Variants in DNMT3A observed in about 807,000 individuals in gnomAD.
DNMT3A encodes DNA methyltransferase 3 alpha.
In DNMT3A, 267 loss-of-function variants were observed where a neutral mutation model predicts 117.6. The ratio of observed to expected loss-of-function variants is 2.27; its 90% CI spans 2.05 to 2.51. DNMT3A has a LOEUF of 2.51. DNMT3A is among the 30% of genes most tolerant of loss of function. The pLI is 0.00. For missense variants in DNMT3A, 1,029 were observed against 1,260.2 expected (o/e 0.82, Z 2.78); for synonymous variants, 432 against 474.8 (o/e 0.91, Z 1.17).
In DNMT3A at chr2:25,279,516, A is replaced by G. The variant is rs895305656; in HGVS notation, c.448+2925T>C. Among the ~76,000 whole-genome samples, 5 of 152,056 alleles carry G rather than the reference A, an allele frequency of 3.3e-5. No individual in the cohort carries two copies. In the South Asian group the frequency reaches 8.3e-4, roughly 25 times the overall value. On this transcript the variant is annotated intron_variant, in intron 4 of 22. Coordinates refer to ENST00000321117, the MANE Select transcript of DNMT3A (RefSeq NM_022552.5). Reference sequence around the variant, plus strand: ...CTGATTAAGCCACTGTCCGTTGCATATTGGCAGAGCCTAGGCCACTGCCCA... The same window carrying G: ...CTGATTAAGCCACTGTCCGTTGCATGTTGGCAGAGCCTAGGCCACTGCCCA...
At position 25,247,418 on chromosome 2, in the gene DNMT3A, C is replaced by T. The variant is rs1302315172; in HGVS notation, c.1014+173G>A. Reference sequence around the variant, plus strand: ...GGGCCAGCATCCTAGCTCTCTGAGCCACAGGTGCAACCTAATTATCCCTAC... The same window carrying T: ...GGGCCAGCATCCTAGCTCTCTGAGCTACAGGTGCAACCTAATTATCCCTAC... On this transcript the variant is annotated intron_variant, in intron 8 of 22. Transcript: ENST00000321117. The surrounding 1 kb of genome is among the most constrained non-coding windows in gnomAD (Gnocchi z 5.6). The T allele has an allele frequency of 1.5e-5, 16 of 1,086,434 alleles. No individual in the cohort carries two copies. Among genetic ancestry groups the T allele is most frequent in the Non-Finnish European group, 1.9e-5 (15 of 771,626 alleles). The allele number at this position is 1,086,434 out of a possible 1,614,324, so 67.3% of individuals were successfully genotyped here. A position where few individuals can be genotyped will look rare whatever the true frequency, so the allele number is the denominator to read the frequency against.
chr2:25,282,680 G>A lies in DNMT3A; in HGVS notation c.209C>T (p.Ala70Val), dbSNP rs746884153. ...VESGDTPKDP[A>V]VISKSPSMAQ... is the part of the protein sequence containing the mutation. ...CATGGATGGGGACTTGGAGATCACC[G>A]CAGGGTCCTTTGGCGTGTCACCGCT... is the stretch of plus-strand genomic sequence containing the variant. The change falls in exon 4 of 23, where the codon GCG becomes GTG. Residue 70 changes from alanine to valine, a missense_variant. Transcript: ENST00000321117. The surrounding 1 kb of genome is among the most constrained non-coding windows in gnomAD (Gnocchi z 5.2). 2.1e-5 allele frequency: 32 copies of A among 1,560,820 alleles called. No individual in the cohort carries two copies. The highest frequency in any genetic ancestry group is 2.7e-5 in the Non-Finnish European group (31 of 1,153,208).
chr2:25,328,986 T>C (rs1018675042), intron 1 of DNMT3A, among the ~76,000 whole-genome samples: 7 of 152,076 alleles, frequency 4.6e-5, no homozygotes, highest in Admixed American at 2.0e-4. Flanking sequence ...CTAAACCAGC[T>C]CCCTCTTGGG....
In DNMT3A at chr2:25,327,040, C is replaced by T. The variant is rs1248401681; in HGVS notation, c.-177-12879G>A. ...ATGGCATTACAGAGACGTTGCCATC[C>T]AGGGAGCCATCGCCACACCCTCTCC... is the stretch of plus-strand genomic sequence containing the variant. On this transcript the variant is annotated intron_variant, in intron 1 of 22. Transcript: ENST00000321117. The surrounding 1 kb of genome is among the most constrained non-coding windows in gnomAD (Gnocchi z 4.1). 2.0e-5 allele frequency among the ~76,000 whole-genome samples: 3 copies of T among 152,228 alleles called. No individual in the cohort carries two copies. The highest frequency in any genetic ancestry group is 7.2e-5 in the African/African-American group (3 of 41,456).
intron 1 of DNMT3A, among the ~76,000 whole-genome samples, chr2:25,329,223 T>C (rs1209866795): frequency 6.6e-6 from 1 of 152,128 alleles, no homozygotes; most frequent in African/African-American, 2.4e-5. Flanking sequence ...CTCAGAACCA[T>C]GGGCCCTGCC....
Position 25,247,863 on chromosome 2 carries a change from A to G in DNMT3A, c.856-114T>C. On this transcript the variant is annotated intron_variant, in intron 7 of 22. Coordinates refer to ENST00000321117, the MANE Select transcript of DNMT3A (RefSeq NM_022552.5). The surrounding 1 kb of genome is among the most constrained non-coding windows in gnomAD (Gnocchi z 5.6). ...CTGGGGGGCAGGACAGCCAGGAGGG[A>G]GCTCCATCTGAATGAGGCAAGACAG... The G allele has an allele frequency of 6.5e-7, 1 of 1,535,160 alleles. No homozygotes were observed. Among genetic ancestry groups the G allele is most frequent in the Non-Finnish European group, 8.8e-7 (1 of 1,142,692 alleles).
In DNMT3A at chr2:25,247,080, A is replaced by G. The variant is rs1315257786; in HGVS notation, c.1093T>C (p.Tyr365His). Residue 365 changes from tyrosine (Y) to histidine (H), a missense_variant, in exon 9 of 23, where the codon TAC (tyrosine) becomes CAC (histidine). Coordinates refer to ENST00000321117, the MANE Select transcript of DNMT3A (RefSeq NM_022552.5). This position sits in a 1 kb window ranked among gnomAD's most constrained non-coding sequence, Gnocchi z 5.6. ...AGGACCTCGTAGATGGCTTTGCGGT[A>G]CATGGGCTGCTTGTTGTACGTGGCC... is the stretch of plus-strand genomic sequence containing the variant. ...HQATYNKQPM[Y>H]RKAIYEVLQV... is the part of the protein sequence containing the mutation. The G allele has an allele frequency of 1.2e-6, 2 of 1,614,024 alleles. No homozygotes were observed. Among genetic ancestry groups the G allele is most frequent in the Non-Finnish European group, 1.7e-6 (2 of 1,179,998 alleles).
chr2:25,269,818 C>A (rs1303651842), intron 6 of DNMT3A, among the ~76,000 whole-genome samples: 1 of 152,222 alleles, frequency 6.6e-6, no homozygotes, highest in Non-Finnish European at 1.5e-5. Context: ...GCAGAAATGT[C>A]TCATTTTCCC....
chr2:25,298,298 G>A lies in DNMT3A; in HGVS notation c.177+1841C>T, dbSNP rs1048097759. The stretch of plus-strand genomic sequence containing the variant: ...ACTGCCGGCCCCTCTCCCCTCACTC[G>A]GCTGTGCCCCTCTTCTCTGTCATTG... On this transcript the variant is annotated intron_variant, in intron 3 of 22. Transcript: ENST00000321117. This position sits in a 1 kb window ranked among gnomAD's most constrained non-coding sequence, Gnocchi z 4.3. Among the ~76,000 whole-genome samples, 1 of 152,106 alleles carries A rather than the reference G, an allele frequency of 6.6e-6. No individual in the cohort carries two copies. The highest frequency in any genetic ancestry group is 6.5e-5 in the Admixed American group (1 of 15,274).
Position 25,244,294 on chromosome 2 carries a change from GC to G in DNMT3A, c.1711del (p.Ala571LeufsTer80). The G allele has an allele frequency of 3.7e-6, 6 of 1,611,214 alleles. No individual in the cohort carries two copies. Among genetic ancestry groups the G allele is most frequent in the Non-Finnish European group, 5.1e-6 (6 of 1,178,988 alleles). ...GTCTTCCTTAATGGCTGCCTGGGCA[GC>G]CCCCGGCCCCACCAAGAGGTCCACA... ...ECVDLLVGPGAAQAAIKEDPW... is the reference protein window; with the variant it reads ...ECVDLLVGPGXAQAAIKEDPW... On this transcript the variant is annotated frameshift_variant, in exon 15 of 23. Transcript: ENST00000321117. LOFTEE classifies it high-confidence loss of function.
In DNMT3A at chr2:25,304,855, G is replaced by A. The variant is rs533233142; in HGVS notation, c.73-4612C>T. 2.6e-5 allele frequency among the ~76,000 whole-genome samples: 4 copies of A among 152,294 alleles called. No homozygotes were observed. Among genetic ancestry groups the A allele is most frequent in the South Asian group, 2.1e-4 (1 of 4,824 alleles). Reference sequence around the variant, plus strand: ...CAGGTTTATCAGCAAACTGTTACTCGCTTTTCCAGCCTCCTATCCTGGATT... The same window carrying A: ...CAGGTTTATCAGCAAACTGTTACTCACTTTTCCAGCCTCCTATCCTGGATT... On this transcript the variant is annotated intron_variant, in intron 2 of 22. Coordinates refer to ENST00000321117, the MANE Select transcript of DNMT3A (RefSeq NM_022552.5). The surrounding 1 kb of genome is among the most constrained non-coding windows in gnomAD (Gnocchi z 4.3).
In DNMT3A at chr2:25,246,585, G is replaced by GC. The variant is rs780855086; in HGVS notation, c.1279+34dup. ...GCCCTGGTGTGGATCTGCCTGGCGG[G>GC]CAGGGGTCCCAGAAAGCTGGGTGCC... On this transcript the variant is annotated intron_variant, in intron 10 of 22. Transcript: ENST00000321117. 1.5e-5 allele frequency: 24 copies of GC among 1,592,310 alleles called. No homozygotes were observed. In the Admixed American group the frequency reaches 2.9e-4, roughly 19 times the overall value.
chr2:25,282,518 GTC>G lies in DNMT3A; in HGVS notation c.369_370del (p.Glu123AspfsTer4). On this transcript the variant is annotated frameshift_variant, in exon 4 of 23. Coordinates refer to ENST00000321117, the MANE Select transcript of DNMT3A (RefSeq NM_022552.5). LOFTEE classifies it high-confidence loss of function. The surrounding 1 kb of genome is among the most constrained non-coding windows in gnomAD (Gnocchi z 5.2). ...CACTGCTCTTGAGGCTTCAGGCAGG[GTC>G]TCAGCTGCACCCTCTCCCTCTGCTG... 2 of 1,613,464 alleles carry G rather than the reference GTC, an allele frequency of 1.2e-6. No individual in the cohort carries two copies. Among genetic ancestry groups the G allele is most frequent in the East Asian group, 4.5e-5 (2 of 44,872 alleles).
chr2:25,277,869 A>G (rs1002008876), intron 4 of DNMT3A, among the ~76,000 whole-genome samples: 13 of 151,822 alleles, frequency 8.6e-5, no homozygotes, highest in East Asian at 1.9e-4. Flanking sequence ...TTATTTCTCA[A>G]TGTGACCCCC....
At position 25,241,726 on chromosome 2, in the gene DNMT3A, A is replaced by T; in HGVS notation, c.1937-19T>A. 6.2e-7 allele frequency: 1 copy of T among 1,612,000 alleles called. No homozygotes were observed. Among genetic ancestry groups the T allele is most frequent in the Non-Finnish European group, 8.5e-7 (1 of 1,179,170 alleles). On this transcript the variant is annotated intron_variant, in intron 16 of 22. Coordinates refer to ENST00000321117, the MANE Select transcript of DNMT3A (RefSeq NM_022552.5). ...AGGAGCCCTGCACCAGCCAGCAGACAGCACCGTTACTTGGAGCCATCTCCC... is the reference window on the plus strand; with the variant it reads ...AGGAGCCCTGCACCAGCCAGCAGACTGCACCGTTACTTGGAGCCATCTCCC...
Position 25,246,262 on chromosome 2 carries a change from G to T in DNMT3A, c.1327C>A (p.Pro443Thr). 1 of 1,614,070 alleles carries T rather than the reference G, an allele frequency of 6.2e-7. No individual in the cohort carries two copies. Among genetic ancestry groups the T allele is most frequent in the Non-Finnish European group, 8.5e-7 (1 of 1,179,958 alleles). The stretch of plus-strand genomic sequence containing the variant: ...GGTGGTGCGTAGGCAGCTGCCTCAG[G>T]TTCCACCCACATGTCCGTGTACACT... Reference protein sequence around the residue: ...KEVYTDMWVEPEAAAYAPPPP... With the variant: ...KEVYTDMWVETEAAAYAPPPP... The change falls in exon 11 of 23, where the codon CCT becomes ACT. Residue 443 changes from proline (P) to threonine (T), a missense_variant. Pro to Thr is a conservative substitution (Grantham distance 38). Coordinates refer to ENST00000321117, the MANE Select transcript of DNMT3A (RefSeq NM_022552.5).
Position 25,339,755 on chromosome 2 carries a change from C to T in DNMT3A, c.-178+2071G>A, listed in dbSNP as rs181274697. Among the ~76,000 whole-genome samples the T allele has an allele frequency of 1.1e-3, 167 of 152,326 alleles. No individual in the cohort carries two copies. The highest frequency in any genetic ancestry group is 1.9e-3 in the Admixed American group (29 of 15,310). ...CTCAGAAAACTACCTGGAGATGGCC[C>T]CTGCTAGCCAACCAAAGAGGGTCCC... On this transcript the variant is annotated intron_variant, in intron 1 of 22. Coordinates refer to ENST00000321117, the MANE Select transcript of DNMT3A (RefSeq NM_022552.5). The surrounding 1 kb of genome is among the most constrained non-coding windows in gnomAD (Gnocchi z 4.9).
In DNMT3A at chr2:25,239,317, C is replaced by T; in HGVS notation, c.2323-102G>A. ...CTTAAAGCCTCAAAGCCTCTTACTT[C>T]TCTCTCAGGAGCCACACACTGGGCT... On this transcript the variant is annotated intron_variant, in intron 19 of 22. Transcript: ENST00000321117. 5 of 1,011,208 alleles carry T rather than the reference C, an allele frequency of 4.9e-6. No individual in the cohort carries two copies. In the South Asian group the frequency reaches 7.0e-5, roughly 14 times the overall value. The allele number at this position is 1,011,208 out of a possible 1,614,324, so 62.6% of individuals were successfully genotyped here.
At chr2:25,274,809 G>C (rs1201502743) in intron 6 of DNMT3A, 132 bp downstream of exon 6, 8 of 1,297,662 alleles carry the variant, frequency 6.2e-6, no homozygotes, top group South Asian at 4.7e-5. Flanking sequence ...AGATGAACCA[G>C]TCATCATGAC....
Sources: allele counts gnomAD v4.1 joint callset (sites outside exome capture counted in the v4.1 genomes callset), GRCh38; gene constraint gnomAD v4.1.1; non-coding constraint Gnocchi (gnomAD v3.1); transcripts MANE v1.5; gene names NCBI Gene and HGNC (gene_info 2026-07-23, HGNC 2026-07-21).